The following DNAH14 variants were observed in gnomAD, a reference collection of about 807,000 sequenced individuals.
DNAH14 encodes axonemal beta dynein heavy chain 14.
In DNAH14, 478 loss-of-function variants were observed where a neutral mutation model predicts 520.9. That is an observed-to-expected ratio of 0.92 (90% CI 0.85 to 0.99). The LOEUF (loss-of-function observed/expected upper bound fraction) is 0.99. Among genes scored for constraint, DNAH14 ranks in the 50% least tolerant of loss-of-function variants. The probability of loss-of-function intolerance (pLI) is 0.00; values close to 1 mark genes in which losing one functional copy is unlikely to be tolerated. For synonymous variants in DNAH14, 1,581 were observed against 1,757.2 expected, an observed-to-expected ratio of 0.90 and a Z score of 2.51; for missense variants, 4,831 against 5,234.5, an observed-to-expected ratio of 0.92 and a Z score of 2.38.
chr1:225,211,456 G>A (rs185191292), intron 41 of DNAH14, among the ~76,000 whole-genome samples: 1 of 152,012 alleles, frequency 6.6e-6, no homozygotes, highest in Non-Finnish European at 1.5e-5. Flanking sequence ...AGAGAAAAAA[G>A]AATGAAAAGG....
rs757350445 is a variant in DNAH14 at position 225,144,611 on chromosome 1, G to A, written c.4723G>A (p.Val1575Ile). 2.6e-6 allele frequency: 4 copies of A among 1,550,474 alleles called. No individual in the cohort carries two copies. ...GPAGTGKTET[V>I]KDLAKSLGKH... is the part of the protein sequence containing the mutation. ...AGCTGGTACAGGAAAAACTGAGACTGTCAAAGATCTAGCAAAAGTAAGTGG... is the reference window on the plus strand; with the variant it reads ...AGCTGGTACAGGAAAAACTGAGACTATCAAAGATCTAGCAAAAGTAAGTGG... The change falls in exon 29 of 86, where the codon GTC (valine) becomes ATC (isoleucine). Residue 1575 changes from valine (V) to isoleucine (I), a missense_variant. Transcript: ENST00000682510.
intron 76 of DNAH14, 28 bp downstream of exon 76, chr1:225,364,922 G>T (rs10495239): frequency 6.8e-7 from 1 of 1,472,908 alleles, no homozygotes; most frequent in Non-Finnish European, 9.2e-7. Context: ...CAGATTTAAT[G>T]TTGACTGAGG....
chr1:225,208,910 T>C (rs375427095), intron 41 of DNAH14, among the ~76,000 whole-genome samples: 18 of 152,214 alleles, frequency 1.2e-4, no homozygotes, highest in African/African-American at 4.1e-4. Flanking sequence ...ATATTTGATA[T>C]TGTGGTTTTT....
chr1:225,297,280 T>C (rs935297732), intron 55 of DNAH14, among the ~76,000 whole-genome samples: 7 of 152,196 alleles, frequency 4.6e-5, no homozygotes, highest in Non-Finnish European at 1.0e-4. Flanking sequence ...TTCCTGATTT[T>C]GTTGAGTTGT....
chr1:225,288,024 G>A (rs552422771), intron 54 of DNAH14, among the ~76,000 whole-genome samples: 8 of 152,180 alleles, frequency 5.3e-5, no homozygotes, highest in South Asian at 2.1e-4. Context: ...CCATTCAGAA[G>A]ATATCCACAT....
chr1:225,227,007 G>C (rs143120314), intron 41 of DNAH14, among the ~76,000 whole-genome samples: 3 of 152,256 alleles, frequency 2.0e-5, no homozygotes, highest in Non-Finnish European at 4.4e-5. Flanking sequence ...CTCACCTCCA[G>C]TCATAAGGTG....
At chr1:225,345,926 A>T (rs1191260645) in intron 69 of DNAH14, 36 bp from the exon 70 acceptor site, 1 of 1,490,856 alleles carries the variant, frequency 6.7e-7, no homozygotes, top group Non-Finnish European at 9.0e-7. Flanking sequence ...CTGTTACAAT[A>T]GTCTTTATTT....
intron 17 of DNAH14, among the ~76,000 whole-genome samples, chr1:225,078,825 CCTCTCTCTCTCTCT>C (rs2072665904): frequency 3.2e-4 from 5 of 15,738 alleles, no homozygotes; most frequent in African/African-American, 8.4e-4. Context: ...TCTCTCTCTC[CCTCTCTCTCTCTCT>C]CTCCCTCTCT....
At position 225,367,978 on chromosome 1, in the gene DNAH14, T is replaced by A. The variant is rs1446275905; in HGVS notation, c.12264T>A (p.Asn4088Lys). The A allele has an allele frequency of 2.6e-6, 4 of 1,551,154 alleles. No individual in the cohort carries two copies. The highest frequency in any genetic ancestry group is 1.4e-5 in the African/African-American group (1 of 73,124). The change falls in exon 77 of 86, where the codon AAT becomes AAA. Residue 4088 changes from asparagine to lysine, a missense_variant. Physicochemically the swap from Asn to Lys is moderately conservative, Grantham distance 94. Transcript: ENST00000682510. ...ATGCTGTAATCAATGAAAGAAAAAATTACGGAATATTGGGCTGGAATATTG... is the reference window on the plus strand; with the variant it reads ...ATGCTGTAATCAATGAAAGAAAAAAATACGGAATATTGGGCTGGAATATTG... ...FFNAVINERK[N>K]YGILGWNIAY... is the part of the protein sequence containing the mutation.
At chr1:225,334,513 T>A (rs949548884) in intron 66 of DNAH14, among the ~76,000 whole-genome samples, 1 of 151,502 alleles carries the variant, frequency 6.6e-6, no homozygotes, top group Admixed American at 6.6e-5. Flanking sequence ...AAAAAAAAAA[T>A]TGTCTTGCTT....
intron 53 of DNAH14, among the ~76,000 whole-genome samples, 185 bp from the exon 54 acceptor site, chr1:225,277,225 A>G (rs956439098): frequency 2.6e-5 from 4 of 151,948 alleles, no homozygotes; most frequent in African/African-American, 9.7e-5. Flanking sequence ...GAACATTAGC[A>G]TAGGGACAAT....
At chr1:225,021,745 A>G (rs144110559) in intron 10 of DNAH14, among the ~76,000 whole-genome samples, 1 of 152,194 alleles carries the variant, frequency 6.6e-6, no homozygotes, top group African/African-American at 2.4e-5. Context: ...ATTCCTGTCA[A>G]ATTACCAACA....
At chr1:224,987,527 G>A (rs969101919) in intron 8 of DNAH14, among the ~76,000 whole-genome samples, 9 of 152,316 alleles carry the variant, frequency 5.9e-5, no homozygotes, top group South Asian at 2.1e-4. Flanking sequence ...ACTGGCATCC[G>A]TTTAGGGCCT....
chr1:225,130,102 A>G (rs974353745), intron 27 of DNAH14, among the ~76,000 whole-genome samples: 2 of 152,218 alleles, frequency 1.3e-5, no homozygotes, highest in Non-Finnish European at 2.9e-5. Flanking sequence ...AGAAATGCAA[A>G]TCAAAACCAC....
intron 37 of DNAH14, among the ~76,000 whole-genome samples, chr1:225,192,148 C>T (rs2085516612): frequency 6.6e-6 from 1 of 152,036 alleles, no homozygotes; most frequent in African/African-American, 2.4e-5. Context: ...CCAAACTTCT[C>T]CCTGAGGCCT....
chr1:225,212,871 T>A (rs1222460139), intron 41 of DNAH14, among the ~76,000 whole-genome samples: 2 of 152,232 alleles, frequency 1.3e-5, no homozygotes, highest in Non-Finnish European at 2.9e-5. Context: ...ATTTTCACTC[T>A]GATGGTAGTT....
rs569676788 is a variant in DNAH14 at position 225,318,435 on chromosome 1, G to A, written c.9241-148G>A. The A allele has an allele frequency of 5.6e-5, 37 of 663,580 alleles. No individual in the cohort carries two copies. The African/African-American group carries it at 5.8e-4, about 10-fold the overall frequency. The allele number at this position is 663,580 out of a possible 1,614,324, so 41.1% of individuals were successfully genotyped here. ...TACACCTTTCCAACAGTACAAGCAT[G>A]TGTGCACATATCTAAGTCATAAAAG... is the stretch of plus-strand genomic sequence containing the variant. On this transcript the variant is annotated intron_variant, in intron 60 of 85. Coordinates refer to ENST00000682510, the MANE Select transcript of DNAH14 (RefSeq NM_001367479.1).
chr1:224,965,592 C>T (rs2061115618), intron 5 of DNAH14, among the ~76,000 whole-genome samples: 1 of 152,090 alleles, frequency 6.6e-6, no homozygotes, highest in Non-Finnish European at 1.5e-5. Flanking sequence ...CTGCTCTACA[C>T]TGTTACCATG....
rs999270375 is a variant in DNAH14, at chr1:225,080,427, A to G, written c.2815A>G (p.Met939Val). 4 of 1,550,602 alleles carry G rather than the reference A, an allele frequency of 2.6e-6. No individual in the cohort carries two copies. Among genetic ancestry groups the G allele is most frequent in the Non-Finnish European group, 3.5e-6 (4 of 1,146,528 alleles). ...TGCTGGTACTCAAGTGTCAACAGCAATGGAAATGATCCAGACTCTCTCAGG... is the reference window on the plus strand; with the variant it reads ...TGCTGGTACTCAAGTGTCAACAGCAGTGGAAATGATCCAGACTCTCTCAGG... ...LCAGTQVSTAMEMIQTLSGEA... is the reference protein window; with the variant it reads ...LCAGTQVSTAVEMIQTLSGEA... The change falls in exon 19 of 86, where the codon ATG (methionine) becomes GTG (valine). Residue 939 changes from methionine (M) to valine (V), a missense_variant. By Grantham distance (21) the Met-to-Val change is conservative. Transcript: ENST00000682510.
Sources: allele counts gnomAD v4.1 joint callset (sites outside exome capture counted in the v4.1 genomes callset), GRCh38; gene constraint gnomAD v4.1.1; transcripts MANE v1.5; gene names NCBI Gene and HGNC (gene_info 2026-07-23, HGNC 2026-07-21).